GIPC2: variants seen among roughly 807,000 people sequenced by gnomAD.
The protein encoded by GIPC2 is GIPC PDZ domain containing family member 2.
GIPC2 carries 30 observed loss-of-function variants against 30.6 expected under a neutral mutation model. That is an observed-to-expected ratio of 0.98 (90% CI 0.73 to 1.33). GIPC2 has a LOEUF of 1.33. Among genes scored for constraint, GIPC2 ranks in the 40% most tolerant of loss-of-function variants. The probability of loss-of-function intolerance (pLI) is 0.00; values close to 1 mark genes in which losing one functional copy is unlikely to be tolerated. For synonymous variants in GIPC2, 167 were observed against 150.0 expected, an observed-to-expected ratio of 1.11 and a Z score of -0.83; for missense variants, 414 against 390.3, an observed-to-expected ratio of 1.06 and a Z score of -0.51.
intron 2 of GIPC2, among the ~76,000 whole-genome samples, chr1:78,089,803 C>T (rs1662003568): frequency 6.6e-6 from 1 of 152,162 alleles, no homozygotes. Flanking sequence ...AAGGCAGCAG[C>T]TGGAAAATGT....
intron 1 of GIPC2, among the ~76,000 whole-genome samples, chr1:78,060,391 T>C (rs1271023837): frequency 6.6e-6 from 1 of 152,102 alleles, no homozygotes; most frequent in Non-Finnish European, 1.5e-5. Flanking sequence ...GCAATTCTCC[T>C]GCCTCAGCCT....
intron 1 of GIPC2, 73 bp from the exon 2 acceptor site, chr1:78,080,602 A>G (rs1661806787): frequency 1.3e-6 from 1 of 798,606 alleles, no homozygotes; most frequent in East Asian, 2.6e-5. Context: ...CAGTCAATAA[A>G]TGTTTATAAA....
chr1:78,105,881 CGTA>C (rs199657454), intron 3 of GIPC2, among the ~76,000 whole-genome samples: 1 of 151,932 alleles, frequency 6.6e-6, no homozygotes, highest in East Asian at 1.9e-4. Context: ...TGTTAAAAAT[CGTA>C]GTCAGAGTAT....
At chr1:78,053,707 T>C (rs541238649) in intron 1 of GIPC2, among the ~76,000 whole-genome samples, 2 of 136,814 alleles carry the variant, frequency 1.5e-5, no homozygotes, top group East Asian at 2.1e-4. Context: ...GGAGTTTGAT[T>C]GACAACAGCC....
intron 1 of GIPC2, among the ~76,000 whole-genome samples, chr1:78,073,424 T>G (rs1297101133): frequency 6.6e-6 from 1 of 152,162 alleles, no homozygotes; most frequent in Non-Finnish European, 1.5e-5. Context: ...TTTTCTATAA[T>G]GACATTGGCT....
chr1:78,109,454 A>C (rs1662421365), intron 3 of GIPC2, among the ~76,000 whole-genome samples: 1 of 152,188 alleles, frequency 6.6e-6, no homozygotes, highest in African/African-American at 2.4e-5. Flanking sequence ...TCTAGGGTGG[A>C]CCTGCCTGGC....
chr1:78,057,205 CCCATTTTG>C (rs1661313054), intron 1 of GIPC2, among the ~76,000 whole-genome samples: 2 of 152,172 alleles, frequency 1.3e-5, no homozygotes, highest in Non-Finnish European at 2.9e-5. Context: ...TAGACTCCAT[CCCATTTTG>C]AAAAGTCTCT....
chr1:78,046,845 A>G (rs1463692376), intron 1 of GIPC2, among the ~76,000 whole-genome samples: 1 of 152,178 alleles, frequency 6.6e-6, no homozygotes, highest in African/African-American at 2.4e-5. Flanking sequence ...GAAAACATTG[A>G]AGAGCCTTCC....
At chr1:78,104,447 G>A (rs1033969494) in intron 3 of GIPC2, among the ~76,000 whole-genome samples, 1 of 152,158 alleles carries the variant, frequency 6.6e-6, no homozygotes, top group Non-Finnish European at 1.5e-5. Context: ...AGAATGACAT[G>A]ATGAAGCAGA....
chr1:78,076,053 T>C (rs959715103), intron 1 of GIPC2, among the ~76,000 whole-genome samples: 3 of 152,232 alleles, frequency 2.0e-5, no homozygotes, highest in Admixed American at 1.3e-4. Flanking sequence ...AACCACCGTT[T>C]GGTAGCTTCT....
chr1:78,050,442 T>C (rs938413930), intron 1 of GIPC2, among the ~76,000 whole-genome samples: 1 of 152,194 alleles, frequency 6.6e-6, no homozygotes, highest in African/African-American at 2.4e-5. Context: ...CAGTTAAGAT[T>C]TGTTATTAAG....
intron 4 of GIPC2, among the ~76,000 whole-genome samples, chr1:78,123,334 A>G (rs1244077593): frequency 2.0e-5 from 3 of 150,706 alleles, no homozygotes; most frequent in Admixed American, 6.6e-5. Flanking sequence ...AAAATGGGGA[A>G]GAAGAGTGTT....
chr1:78,075,121 T>G (rs1399977052), intron 1 of GIPC2, among the ~76,000 whole-genome samples: 1 of 152,204 alleles, frequency 6.6e-6, no homozygotes, highest in Non-Finnish European at 1.5e-5. Context: ...AGAAAACTAC[T>G]TACTCAAACT....
intron 2 of GIPC2, among the ~76,000 whole-genome samples, chr1:78,090,702 G>A (rs1425359073): frequency 1.3e-5 from 2 of 152,084 alleles, no homozygotes; most frequent in Non-Finnish European, 2.9e-5. Flanking sequence ...ATTTTAGAGT[G>A]ATCATTTCGA....
chr1:78,120,361 G>A (rs1571523767), intron 4 of GIPC2, among the ~76,000 whole-genome samples: 2 of 152,246 alleles, frequency 1.3e-5, no homozygotes, highest in African/African-American at 2.4e-5. Context: ...CTGCCTGAAT[G>A]TTTTGCCCAT....
Position 78,135,933 on chromosome 1 carries a change from A to AATGACCTAAATTTAGGTCAT in GIPC2, c.*190_*191insATGACCTAAATTTAGGTCAT, listed in dbSNP as rs772228349. ...CACTTTTTAACATTGCTGATGTAGT[A>AATGACCTAAATTTAGGTCAT]TGCTTAAGAGAAATGACCTAAATAA... On this transcript the variant is annotated 3_prime_UTR_variant, in exon 6 of 6. Transcript: ENST00000370759. The AATGACCTAAATTTAGGTCAT allele has an allele frequency of 1.7e-4, 84 of 490,836 alleles. No homozygotes were observed. Among genetic ancestry groups the AATGACCTAAATTTAGGTCAT allele is most frequent in the Non-Finnish European group, 2.6e-4 (73 of 284,318 alleles). 30.4% of individuals were successfully genotyped at this position (490,836 alleles called of 1,614,324 possible).
At chr1:78,120,706 G>A (rs1662665112) in intron 4 of GIPC2, among the ~76,000 whole-genome samples, 2 of 152,150 alleles carry the variant, frequency 1.3e-5, no homozygotes, top group South Asian at 4.1e-4. Flanking sequence ...GCATGTACAG[G>A]GGAACTGCTC....
At chr1:78,116,398 A>C (rs561300) in intron 3 of GIPC2, among the ~76,000 whole-genome samples, 33,007 of 151,968 alleles carry the variant, frequency 0.22, 4,050 homozygotes, top group East Asian at 0.61. Flanking sequence ...GGTACATGTG[A>C]ACAACGTGCA....
intron 1 of GIPC2, among the ~76,000 whole-genome samples, chr1:78,063,792 T>C (rs1661450050): frequency 6.6e-6 from 1 of 150,500 alleles, no homozygotes; most frequent in South Asian, 2.1e-4. Context: ...CTCAGGAGGC[T>C]GAGACAGGAG....
Sources: gnomAD v4.1 joint callset for allele counts (sites outside exome capture counted in the v4.1 genomes callset) on GRCh38, gnomAD v4.1.1 for gene constraint, MANE v1.5 for transcripts, NCBI Gene and HGNC (gene_info 2026-07-23, HGNC 2026-07-21) for gene names.